The following EPB41L4A variants were observed in gnomAD, a reference collection of about 807,000 sequenced individuals.
EPB41L4A encodes erythrocyte membrane protein band 4.1 like 4A.
Under a neutral mutation model 108.6 loss-of-function variants are expected in EPB41L4A, and 100 were observed. The ratio of observed to expected loss-of-function variants is 0.92; its 90% confidence interval spans 0.78 to 1.09. The LOEUF is 1.09. Ranked by LOEUF, EPB41L4A falls within the 50% of genes least tolerant of loss-of-function variation. The pLI is 0.00. For synonymous variants in EPB41L4A, 319 were observed against 289.0 expected, an observed-to-expected ratio of 1.10 and a Z score of -1.05; for missense variants, 1,030 against 842.7, an observed-to-expected ratio of 1.22 and a Z score of -2.75.
chr5:112,220,934 T>C lies in EPB41L4A; in HGVS notation c.1088-10952A>G, dbSNP rs139336541. Reference sequence around the variant, plus strand: ...GGTTATTACCATTAGAATATACCCTTTTGTCCTCTAGTCATACTTCTGCAT... The same window carrying C: ...GGTTATTACCATTAGAATATACCCTCTTGTCCTCTAGTCATACTTCTGCAT... On this transcript the variant is annotated intron_variant, in intron 12 of 22. Coordinates refer to ENST00000261486, the MANE Select transcript of EPB41L4A (RefSeq NM_022140.5). Among the ~76,000 whole-genome samples, 601 of 152,336 alleles carry C rather than the reference T, an allele frequency of 3.9e-3. 4 individuals carry two copies. Among genetic ancestry groups the C allele is most frequent in the African/African-American group, 0.013 (544 of 41,568 alleles).
upstream of EPB41L4A, chr5:112,419,652 G>A (rs1208675865): frequency 2.2e-6 from 1 of 456,512 alleles, no homozygotes; most frequent in South Asian, 1.5e-5. Context: ...CCCCGACCAT[G>A]GGCGCAGGGG....
At position 112,239,687 on chromosome 5, in the gene EPB41L4A, C is replaced by T. The variant is rs1296413382; in HGVS notation, c.938G>A (p.Gly313Glu). 2 of 1,608,866 alleles carry T rather than the reference C, an allele frequency of 1.2e-6. No homozygotes were observed. The highest frequency in any genetic ancestry group is 1.7e-5 in the Admixed American group (1 of 58,978). The change falls in exon 11 of 23, where the codon GGA (glycine) becomes GAA (glutamate). Residue 313 changes from glycine (G) to glutamate (E), a missense_variant. By Grantham distance (98) the Gly-to-Glu change is moderately conservative. Transcript: ENST00000261486. ...NSLSRKLSKF[G>E]SIRYKHRYSG... ...GTAGCGGTGCTTATAACGTATGGATCCAAACTTGCTGAGTTTTCTTGACAG... is the reference window on the plus strand; with the variant it reads ...GTAGCGGTGCTTATAACGTATGGATTCAAACTTGCTGAGTTTTCTTGACAG...
At chr5:112,336,045 A>G (rs1372651806) in intron 1 of EPB41L4A, among the ~76,000 whole-genome samples, 2 of 152,184 alleles carry the variant, frequency 1.3e-5, no homozygotes, top group Non-Finnish European at 2.9e-5. Context: ...CCAGGCAAGG[A>G]AAGGCCTCCT....
At chr5:112,266,661 G>T (rs1751884361) in intron 4 of EPB41L4A, among the ~76,000 whole-genome samples, 1 of 152,154 alleles carries the variant, frequency 6.6e-6, no homozygotes, top group Non-Finnish European at 1.5e-5. Context: ...ACAGTTGACA[G>T]CATCCACCTC....
chr5:112,365,927 T>G (rs1439727273), intron 1 of EPB41L4A, among the ~76,000 whole-genome samples: 1 of 152,184 alleles, frequency 6.6e-6, no homozygotes, highest in Non-Finnish European at 1.5e-5. Context: ...TAAGACAAAG[T>G]ACAAGGTAAG....
chr5:112,197,092 C>G (rs1028490254), intron 15 of EPB41L4A: 1 of 142,584 alleles, frequency 7.0e-6, no homozygotes, highest in Non-Finnish European at 1.5e-5. Flanking sequence ...TTTTCAATGA[C>G]TTTCATTAAC....
rs192976142 is a variant in EPB41L4A, at chr5:112,224,933, G to A, written c.1087+9701C>T. On this transcript the variant is annotated intron_variant, in intron 12 of 22. Transcript: ENST00000261486. ...TAACAATTCTAGGTCAGAATGTCTT[G>A]TTCTAACCCTTTTGTATGAAAATTT... Among the ~76,000 whole-genome samples the A allele has an allele frequency of 3.0e-4, 45 of 152,266 alleles. 1 individual carries two copies. Among genetic ancestry groups the A allele is most frequent in the Middle Eastern group, 3.4e-3 (1 of 294 alleles).
At chr5:112,294,072 A>T (rs947235740) in intron 2 of EPB41L4A, among the ~76,000 whole-genome samples, 1 of 152,188 alleles carries the variant, frequency 6.6e-6, no homozygotes, top group East Asian at 1.9e-4. Context: ...TATACCTCTA[A>T]CCAGACAAGA....
chr5:112,284,976 CA>C (rs2150519003), intron 2 of EPB41L4A, among the ~76,000 whole-genome samples: 1 of 152,286 alleles, frequency 6.6e-6, no homozygotes. Context: ...CCCAGCCAAT[CA>C]ATATCCTAAT....
At chr5:112,393,433 C>T (rs1561638146) in intron 1 of EPB41L4A, among the ~76,000 whole-genome samples, 1 of 152,234 alleles carries the variant, frequency 6.6e-6, no homozygotes, top group Non-Finnish European at 1.5e-5. Flanking sequence ...CATAGAAATA[C>T]AAACTACCAT....
chr5:112,210,409 C>T (rs1348555339), intron 12 of EPB41L4A, among the ~76,000 whole-genome samples: 1 of 152,008 alleles, frequency 6.6e-6, no homozygotes, highest in East Asian at 1.9e-4. Flanking sequence ...AAACAAAAAA[C>T]TTCAAACCTG....
At chr5:112,328,494 TG>T (rs1454060176) in intron 1 of EPB41L4A, among the ~76,000 whole-genome samples, 2 of 152,188 alleles carry the variant, frequency 1.3e-5, no homozygotes, top group African/African-American at 4.8e-5. Flanking sequence ...TGAAGTGATT[TG>T]GGATATTGCT....
At chr5:112,217,755 G>A (rs1747756298) in intron 12 of EPB41L4A, among the ~76,000 whole-genome samples, 1 of 152,096 alleles carries the variant, frequency 6.6e-6, no homozygotes, top group African/African-American at 2.4e-5. Flanking sequence ...TTAAGCAGTT[G>A]CCTTTTTACT....
At chr5:112,332,805 G>A (rs1421789680) in intron 1 of EPB41L4A, among the ~76,000 whole-genome samples, 1 of 152,160 alleles carries the variant, frequency 6.6e-6, no homozygotes, top group Admixed American at 6.5e-5. Flanking sequence ...CTTCTAAAAA[G>A]CACATTATTC....
At chr5:112,225,928 C>A (rs1408506820) in intron 12 of EPB41L4A, among the ~76,000 whole-genome samples, 1 of 152,256 alleles carries the variant, frequency 6.6e-6, no homozygotes, top group African/African-American at 2.4e-5. Flanking sequence ...TTGAGAATTA[C>A]AGCATCTTCT....
intron 3 of EPB41L4A, among the ~76,000 whole-genome samples, chr5:112,275,703 T>C (rs1054564205): frequency 6.6e-6 from 1 of 152,030 alleles, no homozygotes; most frequent in Non-Finnish European, 1.5e-5. Flanking sequence ...ATATGTAATT[T>C]TTCATAGTGA....
At chr5:112,395,777 T>C (rs1484936496) in intron 1 of EPB41L4A, among the ~76,000 whole-genome samples, 1 of 152,192 alleles carries the variant, frequency 6.6e-6, no homozygotes, top group African/African-American at 2.4e-5. Flanking sequence ...ATCATGCTAC[T>C]ATGAAGACTT....
downstream of EPB41L4A, chr5:112,161,391 T>C: frequency 2.4e-6 from 1 of 419,890 alleles, no homozygotes; most frequent in South Asian, 1.8e-5. Flanking sequence ...TGAGAAAATT[T>C]CTCTGAAATG....
At chr5:112,174,213 A>G (rs145282768) in intron 18 of EPB41L4A, among the ~76,000 whole-genome samples, 52 of 152,344 alleles carry the variant, frequency 3.4e-4, no homozygotes, top group African/African-American at 1.2e-3. Flanking sequence ...TTAATGAGGA[A>G]TGTATTATTT....
Sources: allele counts gnomAD v4.1 joint callset (sites outside exome capture counted in the v4.1 genomes callset), GRCh38; gene constraint gnomAD v4.1.1; transcripts MANE v1.5; gene names NCBI Gene and HGNC (gene_info 2026-07-23, HGNC 2026-07-21).